The following COL25A1 variants were observed in gnomAD, a reference collection of about 807,000 sequenced individuals.
COL25A1 encodes collagen alpha-1(XXV) chain.
COL25A1 carries 103 observed loss-of-function variants against 128.4 expected under a neutral mutation model. That is an observed-to-expected ratio of 0.80 (90% CI 0.68 to 0.94). The LOEUF (loss-of-function observed/expected upper bound fraction) is 0.94, where lower values mean the gene tolerates loss of function less well. Among genes scored for constraint, COL25A1 ranks in the 40% least tolerant of loss-of-function variants. COL25A1 has a pLI of 0.00. For synonymous variants in COL25A1, 279 were observed against 277.2 expected (o/e 1.01, Z -0.06); for missense variants, 745 against 840.0 (o/e 0.89, Z 1.40).
intron 5 of COL25A1, among the ~76,000 whole-genome samples, chr4:109,036,395 A>G (rs940788545): frequency 2.0e-5 from 3 of 152,220 alleles, no homozygotes; most frequent in Non-Finnish European, 4.4e-5. Context: ...CAAGAATTCT[A>G]TAATAGTTTC....
chr4:108,944,305 A>G (rs1361025884), intron 8 of COL25A1, among the ~76,000 whole-genome samples: 1 of 152,208 alleles, frequency 6.6e-6, no homozygotes, highest in Non-Finnish European at 1.5e-5. Context: ...TTGAAAACAG[A>G]TGTATACAAT....
chr4:109,160,285 T>C (rs1316171974), intron 3 of COL25A1, among the ~76,000 whole-genome samples: 3 of 152,190 alleles, frequency 2.0e-5, no homozygotes, highest in Non-Finnish European at 4.4e-5. Flanking sequence ...CTCCTTAAAG[T>C]TGAACATACG....
At chr4:109,257,718 G>A (rs964636110) in intron 3 of COL25A1, among the ~76,000 whole-genome samples, 1 of 152,172 alleles carries the variant, frequency 6.6e-6, no homozygotes, top group Non-Finnish European at 1.5e-5. Flanking sequence ...CCCTCAATGA[G>A]GTTATGCTGT....
chr4:109,018,271 C>T (rs1757396372), intron 5 of COL25A1, among the ~76,000 whole-genome samples: 1 of 152,248 alleles, frequency 6.6e-6, no homozygotes, highest in South Asian at 2.1e-4. Context: ...GTTGCCCAGG[C>T]TGGAGTGTAA....
chr4:108,963,002 G>A lies in COL25A1; in HGVS notation c.492+11365C>T, dbSNP rs1019749747. 2.0e-5 allele frequency among the ~76,000 whole-genome samples: 3 copies of A among 152,140 alleles called. No individual in the cohort carries two copies. In the East Asian group the frequency reaches 5.8e-4, roughly 29 times the overall value. On this transcript the variant is annotated intron_variant, in intron 8 of 37. Transcript: ENST00000399132. ...CTGTGTCTGCTACAGGGGGCTGCTG[G>A]ACACATTAGTGCAGGTATGCTTATG...
At chr4:109,124,621 TA>T (rs1407850191) in intron 3 of COL25A1, among the ~76,000 whole-genome samples, 6 of 152,012 alleles carry the variant, frequency 3.9e-5, no homozygotes, top group Non-Finnish European at 7.4e-5. Context: ...TGTATTTAAT[TA>T]AACTTAATTA....
chr4:109,151,086 C>T (rs1771455858), intron 3 of COL25A1, among the ~76,000 whole-genome samples: 1 of 151,948 alleles, frequency 6.6e-6, no homozygotes, highest in Non-Finnish European at 1.5e-5. Flanking sequence ...TCTAAAAATG[C>T]CACAGATATT....
intron 6 of COL25A1, among the ~76,000 whole-genome samples, chr4:109,006,628 T>C (rs1756034665): frequency 6.6e-6 from 1 of 152,088 alleles, no homozygotes; most frequent in South Asian, 2.1e-4. Context: ...GTACAGTTTA[T>C]GCAAATTTAC....
Position 109,242,792 on chromosome 4 carries a change from C to A in COL25A1, c.367+57791G>T, listed in dbSNP as rs1779986696. On this transcript the variant is annotated intron_variant, in intron 3 of 37. Transcript: ENST00000399132. ...AACTTAGCAAATATATTTCTTTTAT[C>A]TTTTATTGTATATATTTAAGGTATA... Among the ~76,000 whole-genome samples the A allele has an allele frequency of 2.6e-5, 4 of 151,892 alleles. No individual in the cohort carries two copies. The South Asian group carries it at 8.3e-4, about 32-fold the overall frequency.
chr4:109,278,276 C>T (rs1723039423), intron 3 of COL25A1, among the ~76,000 whole-genome samples: 1 of 152,182 alleles, frequency 6.6e-6, no homozygotes, highest in Non-Finnish European at 1.5e-5. Flanking sequence ...AGAGAACACG[C>T]AGCTATGTAG....
intron 3 of COL25A1, among the ~76,000 whole-genome samples, chr4:109,069,884 GC>G (rs1762767335): frequency 6.6e-6 from 1 of 151,540 alleles, no homozygotes; most frequent in African/African-American, 2.4e-5. Context: ...ACCTTAAATA[GC>G]TAAATATTAA....
chr4:108,952,326 A>T (rs955857943), intron 8 of COL25A1, among the ~76,000 whole-genome samples: 4 of 151,914 alleles, frequency 2.6e-5, no homozygotes, highest in Admixed American at 6.6e-5. Context: ...ACAAAAAAAA[A>T]CTGTGAAAAT....
chr4:109,161,797 T>C (rs536336144), intron 3 of COL25A1, among the ~76,000 whole-genome samples: 1 of 152,350 alleles, frequency 6.6e-6, no homozygotes, highest in East Asian at 1.9e-4. Context: ...AGTTCATTTG[T>C]AAAACTTTCT....
At chr4:109,211,492 A>G (rs777338805) in intron 3 of COL25A1, among the ~76,000 whole-genome samples, 1 of 151,166 alleles carries the variant, frequency 6.6e-6, no homozygotes, top group Non-Finnish European at 1.5e-5. Flanking sequence ...TCTGAGCATT[A>G]AGAGATGGGG....
intron 3 of COL25A1, among the ~76,000 whole-genome samples, chr4:109,128,780 T>G (rs1385538145): frequency 6.6e-6 from 1 of 152,224 alleles, no homozygotes; most frequent in East Asian, 1.9e-4. Flanking sequence ...CACCAAAGTC[T>G]CCTTTGGATA....
At chr4:109,178,974 A>C (rs1774372999) in intron 3 of COL25A1, among the ~76,000 whole-genome samples, 1 of 152,110 alleles carries the variant, frequency 6.6e-6, no homozygotes, top group Non-Finnish European at 1.5e-5. Flanking sequence ...GCACTGTAGA[A>C]TATTAATCAC....
Position 108,859,650 on chromosome 4 carries a change from A to C in COL25A1, c.1320+6T>G. On this transcript the variant is annotated splice_donor_region_variant and intron_variant, in intron 24 of 37. Transcript: ENST00000399132. ...GTGTGTGTCAGGGCAGGGACCAGTC[A>C]CTTGCCTGTAAGGCTTCGTGGAGGT... 6.2e-7 allele frequency: 1 copy of C among 1,612,796 alleles called. No individual in the cohort carries two copies. The highest frequency in any genetic ancestry group is 1.3e-5 in the African/African-American group (1 of 74,976).
At chr4:109,209,162 C>A (rs1181412260) in intron 3 of COL25A1, among the ~76,000 whole-genome samples, 2 of 152,050 alleles carry the variant, frequency 1.3e-5, no homozygotes, top group Non-Finnish European at 2.9e-5. Context: ...GAGTTACATG[C>A]AACAAAGAAT....
chr4:109,230,517 A>G (rs1779095998), intron 3 of COL25A1, among the ~76,000 whole-genome samples: 2 of 152,204 alleles, frequency 1.3e-5, no homozygotes, highest in African/African-American at 4.8e-5. Context: ...TAATTAAGTC[A>G]CATGTGTTTA....
Sources: gnomAD v4.1 joint callset for allele counts (sites outside exome capture counted in the v4.1 genomes callset) on GRCh38, gnomAD v4.1.1 for gene constraint, MANE v1.5 for transcripts, NCBI Gene and HGNC (gene_info 2026-07-23, HGNC 2026-07-21) for gene names.